The following BMP7 variants were observed in gnomAD, a reference collection of about 807,000 sequenced individuals.
The protein encoded by BMP7 is bone morphogenetic protein 7.
In BMP7, 12 loss-of-function variants were observed where a neutral mutation model predicts 41.2. The observed-to-expected ratio is 0.29, with a 90% CI of 0.19 to 0.47. BMP7 has a LOEUF of 0.47. BMP7 is among the 20% of genes least tolerant of loss of function. BMP7 has a pLI of 0.99. For synonymous variants in BMP7, 248 were observed against 250.0 expected (o/e 0.99, Z 0.07); for missense variants, 467 against 606.0 (o/e 0.77, Z 2.41).
chr20:57,198,056 C>T (rs1305544090), intron 3 of BMP7, among the ~76,000 whole-genome samples: 2 of 149,214 alleles, frequency 1.3e-5, no homozygotes, highest in African/African-American at 4.9e-5. Context: ...CCTTGCCTCT[C>T]CTCTCCTCTC....
chr20:57,196,281 T>C (rs899559986), intron 3 of BMP7, among the ~76,000 whole-genome samples: 2 of 152,102 alleles, frequency 1.3e-5, no homozygotes, highest in African/African-American at 4.8e-5. Flanking sequence ...GGCGTATTGA[T>C]TTGTAGAGCA....
In BMP7 at chr20:57,209,252, TATATATATATATATATA is replaced by T. The variant is rs1984820795; in HGVS notation, c.612-6646_612-6630del. 1.3e-4 allele frequency among the ~76,000 whole-genome samples: 8 copies of T among 62,972 alleles called. No homozygotes were observed. In the African/African-American group the frequency reaches 1.4e-3, roughly 11 times the overall value. 41.3% of individuals were successfully genotyped at this position (62,972 alleles called of 152,430 possible). On this transcript the variant is annotated intron_variant, in intron 2 of 6. Coordinates refer to ENST00000395863, the MANE Select transcript of BMP7 (RefSeq NM_001719.3). Reference sequence around the variant, plus strand: ...AAATACCTAGATTTATATATTTTTATATATATATATATATATATATATATATATATATATGTATATAA... The same window carrying T: ...AAATACCTAGATTTATATATTTTTATTATATATATATATATATGTATATAA...
chr20:57,218,102 C>T (rs1451788269), intron 2 of BMP7, among the ~76,000 whole-genome samples: 1 of 152,204 alleles, frequency 6.6e-6, no homozygotes, highest in Admixed American at 6.5e-5. Context: ...CACACAGGGC[C>T]CGACACACAG....
intron 1 of BMP7, among the ~76,000 whole-genome samples, chr20:57,263,405 G>A (rs1042499899): frequency 2.0e-5 from 3 of 152,162 alleles, no homozygotes; most frequent in African/African-American, 7.2e-5. Context: ...CTGCCGCCAT[G>A]GGGGGAGCAA....
chr20:57,206,621 G>T (rs922995534), intron 2 of BMP7, among the ~76,000 whole-genome samples: 3 of 152,204 alleles, frequency 2.0e-5, no homozygotes, highest in Non-Finnish European at 4.4e-5. Flanking sequence ...AGGTGATGGA[G>T]AAGGGATAAG....
intron 2 of BMP7, among the ~76,000 whole-genome samples, chr20:57,227,554 T>C (rs1456110647): frequency 1.3e-5 from 2 of 152,124 alleles, no homozygotes; most frequent in Admixed American, 6.5e-5. Flanking sequence ...CCCTGCCCAG[T>C]GGGGACGGTA....
intron 1 of BMP7, among the ~76,000 whole-genome samples, chr20:57,251,204 C>A (rs572553278): frequency 6.6e-6 from 1 of 152,308 alleles, no homozygotes; most frequent in East Asian, 1.9e-4. Context: ...CCTGTCTCCC[C>A]ACATGGGATC....
intron 3 of BMP7, among the ~76,000 whole-genome samples, chr20:57,201,522 C>T (rs542181192): frequency 8.5e-5 from 13 of 152,342 alleles, no homozygotes; most frequent in African/African-American, 3.1e-4. Flanking sequence ...AAGACAGAAA[C>T]AGCAGTTGTC....
chr20:57,263,052 A>C (rs556156243), intron 1 of BMP7, among the ~76,000 whole-genome samples: 6 of 152,230 alleles, frequency 3.9e-5, no homozygotes, highest in Non-Finnish European at 8.8e-5. Flanking sequence ...CAGAAATTAA[A>C]GGCCAACATT....
intron 1 of BMP7, among the ~76,000 whole-genome samples, chr20:57,238,692 G>A (rs550864840): frequency 4.0e-5 from 6 of 151,548 alleles, no homozygotes; most frequent in African/African-American, 7.3e-5. Flanking sequence ...AGACATACCC[G>A]AGACCAGGAA....
At chr20:57,199,732 A>G (rs1452865757) in intron 3 of BMP7, among the ~76,000 whole-genome samples, 3 of 152,170 alleles carry the variant, frequency 2.0e-5, no homozygotes, top group Non-Finnish European at 4.4e-5. Flanking sequence ...CCAAAACTCC[A>G]CACAGCCAAC....
At chr20:57,187,884 A>G (rs553143045) in intron 3 of BMP7, among the ~76,000 whole-genome samples, 43 of 152,336 alleles carry the variant, frequency 2.8e-4, no homozygotes, top group Non-Finnish European at 5.4e-4. Context: ...CCTGACGTGG[A>G]ACAGGTGCTC....
chr20:57,229,049 C>G (rs2066018951), intron 1 of BMP7, among the ~76,000 whole-genome samples: 1 of 152,124 alleles, frequency 6.6e-6, no homozygotes, highest in Admixed American at 6.5e-5. Context: ...ATGTCCTGGC[C>G]CAAGTCTGGG....
At chr20:57,204,589 C>G (rs113550139) in intron 2 of BMP7, among the ~76,000 whole-genome samples, 2 of 152,198 alleles carry the variant, frequency 1.3e-5, no homozygotes, top group Admixed American at 1.3e-4. Flanking sequence ...ACAGAAGGAA[C>G]GAATCGGAGC....
chr20:57,209,249 T>TTATTTATA lies in BMP7; in HGVS notation c.612-6627_612-6626insTATAAATA, dbSNP rs1555814046. On this transcript the variant is annotated intron_variant, in intron 2 of 6. Transcript: ENST00000395863. ...AACAAATACCTAGATTTATATATTT[T>TTATTTATA]TATATATATATATATATATATATAT... 4.3e-4 allele frequency among the ~76,000 whole-genome samples: 41 copies of TTATTTATA among 94,868 alleles called. 3 individuals are homozygous for TTATTTATA. Among genetic ancestry groups the TTATTTATA allele is most frequent in the African/African-American group, 1.4e-3 (40 of 29,102 alleles). The allele number at this position is 94,868 out of a possible 152,430, so 62.2% of individuals were successfully genotyped here. A position where few individuals can be genotyped will look rare whatever the true frequency, so the allele number is the denominator to read the frequency against.
intron 3 of BMP7, among the ~76,000 whole-genome samples, chr20:57,196,326 A>G (rs184373531): frequency 8.5e-5 from 13 of 152,342 alleles, no homozygotes; most frequent in African/African-American, 2.9e-4. Context: ...TCAGAGCCTC[A>G]GACCTCATCT....
At chr20:57,179,967 T>C (rs1984036842) in intron 4 of BMP7, among the ~76,000 whole-genome samples, 1 of 152,098 alleles carries the variant, frequency 6.6e-6, no homozygotes, top group Non-Finnish European at 1.5e-5. Context: ...GAGTGAATTC[T>C]AAGCCCGCGA....
chr20:57,187,875 C>A (rs1159852180), intron 3 of BMP7, among the ~76,000 whole-genome samples: 1 of 152,176 alleles, frequency 6.6e-6, no homozygotes, highest in East Asian at 1.9e-4. Context: ...CATCTGGAAC[C>A]TGACGTGGAA....
chr20:57,244,751 C>G (rs1359778891), intron 1 of BMP7, among the ~76,000 whole-genome samples: 1 of 152,210 alleles, frequency 6.6e-6, no homozygotes, highest in Non-Finnish European at 1.5e-5. Context: ...AGAGCAGGCC[C>G]CAAGAGCAGC....
Sources: allele counts gnomAD v4.1 joint callset (sites outside exome capture counted in the v4.1 genomes callset), GRCh38; gene constraint gnomAD v4.1.1; transcripts MANE v1.5; gene names NCBI Gene and HGNC (gene_info 2026-07-23, HGNC 2026-07-21).